CDH18: variants seen among roughly 807,000 people sequenced by gnomAD.
CDH18 encodes cadherin 18, also known as cadherin-18.
Under a neutral mutation model 67.9 loss-of-function variants are expected in CDH18, and 31 were observed. That is an observed-to-expected ratio of 0.46 (90% confidence interval 0.34 to 0.62). The LOEUF (loss-of-function observed/expected upper bound fraction) is 0.62. Among genes scored for constraint, CDH18 ranks in the 20% least tolerant of loss-of-function variants. The pLI is 0.01. For synonymous variants in CDH18, 362 were observed against 347.2 expected (o/e 1.04, Z -0.48); for missense variants, 890 against 975.5 (o/e 0.91, Z 1.17).
chr5:20,097,605 T>C lies in CDH18; in HGVS notation c.-517-105591A>G, dbSNP rs565921667. On this transcript the variant is annotated intron_variant, in intron 2 of 14. Coordinates refer to the CDH18 transcript ENST00000507958. ...CATGTAACTCACTGAATCAAAAAAA[T>C]GGCTTGTATTATATTCGGTTATTTA... Among the ~76,000 whole-genome samples the C allele has an allele frequency of 6.6e-5, 10 of 152,254 alleles. 2 individuals are homozygous for C. The South Asian group carries it at 2.1e-3, about 31-fold the overall frequency.
chr5:19,591,149 T>C lies in CDH18; in HGVS notation c.907A>G (p.Met303Val), dbSNP rs780509680. ...NDADTGSNAD[M>V]TYSIINGDGM... ...TCACCATTTATGATGGAGTAGGTCA[T>C]GTCAGCATTTGAGCCAGTGTCAGCA... is the stretch of plus-strand genomic sequence containing the variant. The change falls in exon 7 of 13, where the codon ATG (methionine) becomes GTG (valine). Residue 303 changes from methionine (M) to valine (V), a missense_variant. Physicochemically the swap from Met to Val is conservative, Grantham distance 21. Coordinates refer to ENST00000382275, the MANE Select transcript of CDH18 (RefSeq NM_004934.5). 2 of 1,612,644 alleles carry C rather than the reference T, an allele frequency of 1.2e-6. No individual in the cohort carries two copies. Among genetic ancestry groups the C allele is most frequent in the East Asian group, 2.2e-5 (1 of 44,844 alleles).
intron 2 of CDH18, among the ~76,000 whole-genome samples, chr5:20,168,291 G>C (rs1736449720): frequency 6.6e-6 from 1 of 151,982 alleles, no homozygotes; most frequent in Non-Finnish European, 1.5e-5. Flanking sequence ...CCTTTGCTAG[G>C]CTTGTCAATA....
At chr5:19,719,341 G>A (rs1384180732) in intron 5 of CDH18, among the ~76,000 whole-genome samples, 1 of 151,960 alleles carries the variant, frequency 6.6e-6, no homozygotes, top group African/African-American at 2.4e-5. Flanking sequence ...GTGCATGCAT[G>A]TGTGTTAGTA....
chr5:20,562,403 T>G (rs7708174), intron 1 of CDH18, among the ~76,000 whole-genome samples: 1 of 151,378 alleles, frequency 6.6e-6, no homozygotes, highest in African/African-American at 2.4e-5. Flanking sequence ...GGCAACCTTA[T>G]GTACCTATGT....
chr5:19,757,590 A>G (rs1420661500), intron 3 of CDH18, among the ~76,000 whole-genome samples: 1 of 152,184 alleles, frequency 6.6e-6, no homozygotes, highest in Non-Finnish European at 1.5e-5. Flanking sequence ...TATCCACTTG[A>G]TTATTAAAAT....
intron 1 of CDH18, among the ~76,000 whole-genome samples, chr5:20,552,554 A>C (rs1454579963): frequency 7.9e-5 from 12 of 152,264 alleles, no homozygotes; most frequent in Middle Eastern, 3.4e-3. Context: ...AGTCTCATAC[A>C]TACTGAAAAA....
intron 2 of CDH18, among the ~76,000 whole-genome samples, chr5:20,086,035 G>A (rs1473953596): frequency 2.0e-5 from 3 of 152,188 alleles, no homozygotes; most frequent in Admixed American, 1.3e-4. Flanking sequence ...GCAAAACAGT[G>A]AGCCAAGATG....
intron 11 of CDH18, among the ~76,000 whole-genome samples, chr5:19,486,139 C>T (rs765278292): frequency 6.6e-6 from 1 of 151,890 alleles, no homozygotes; most frequent in Non-Finnish European, 1.5e-5. Flanking sequence ...CCTAGAAAGG[C>T]TTAGCACAGC....
chr5:20,232,672 T>C (rs999137456), intron 2 of CDH18, among the ~76,000 whole-genome samples: 1 of 152,146 alleles, frequency 6.6e-6, no homozygotes, highest in Non-Finnish European at 1.5e-5. Context: ...ACATGCCACA[T>C]TGATATATTT....
intron 9 of CDH18, among the ~76,000 whole-genome samples, chr5:19,526,485 G>A (rs1747768654): frequency 6.6e-6 from 1 of 152,068 alleles, no homozygotes; most frequent in African/African-American, 2.4e-5. Context: ...TGGAAAGACT[G>A]ATATGTGCGT....
At chr5:19,673,693 T>C (rs1258828517) in intron 5 of CDH18, among the ~76,000 whole-genome samples, 2 of 152,060 alleles carry the variant, frequency 1.3e-5, no homozygotes, top group African/African-American at 2.4e-5. Flanking sequence ...CAAAAGCATA[T>C]CATATTTTTG....
At chr5:20,549,946 T>C (rs1288447461) in intron 1 of CDH18, among the ~76,000 whole-genome samples, 3 of 152,214 alleles carry the variant, frequency 2.0e-5, no homozygotes, top group Non-Finnish European at 4.4e-5. Flanking sequence ...ATCAGTGACC[T>C]TTTTGAGTGG....
intron 2 of CDH18, among the ~76,000 whole-genome samples, chr5:19,970,094 G>A (rs1797880193): frequency 6.6e-6 from 1 of 151,846 alleles, no homozygotes; most frequent in Non-Finnish European, 1.5e-5. Flanking sequence ...GAGCTGAACA[G>A]GGGAGTGAGA....
At chr5:20,464,352 T>C (rs1229274010) in intron 1 of CDH18, among the ~76,000 whole-genome samples, 1 of 152,162 alleles carries the variant, frequency 6.6e-6, no homozygotes, top group Non-Finnish European at 1.5e-5. Context: ...TGATAGAATG[T>C]GTGTTAATGC....
At chr5:19,763,421 A>G (rs1385354492) in intron 3 of CDH18, among the ~76,000 whole-genome samples, 7 of 152,172 alleles carry the variant, frequency 4.6e-5, no homozygotes, top group Non-Finnish European at 1.0e-4. Context: ...GAAGTCAAGT[A>G]CAAATGTTTG....
At chr5:19,871,189 T>C (rs1017373985) in intron 2 of CDH18, among the ~76,000 whole-genome samples, 13 of 152,086 alleles carry the variant, frequency 8.5e-5, no homozygotes, top group African/African-American at 3.1e-4. Flanking sequence ...TAAGCTTTTT[T>C]AAAAAAATTC....
chr5:19,960,594 T>G (rs890075991), intron 2 of CDH18, among the ~76,000 whole-genome samples: 1 of 138,458 alleles, frequency 7.2e-6, no homozygotes, highest in African/African-American at 3.0e-5. Context: ...TGTGTGTATA[T>G]ATATATATAC....
intron 3 of CDH18, among the ~76,000 whole-genome samples, chr5:19,820,565 C>G (rs1278705213): frequency 1.3e-5 from 2 of 152,274 alleles, no homozygotes; most frequent in East Asian, 3.9e-4. Context: ...ACCAAAAGGT[C>G]CCCAGTGAAT....
chr5:19,787,342 CT>C (rs1775912099), intron 3 of CDH18, among the ~76,000 whole-genome samples: 1 of 151,826 alleles, frequency 6.6e-6, no homozygotes, highest in Admixed American at 6.6e-5. Context: ...GTCCCAGCTA[CT>C]AGGGAGGCTG....
Sources: gnomAD v4.1 joint callset for allele counts (sites outside exome capture counted in the v4.1 genomes callset) on GRCh38, gnomAD v4.1.1 for gene constraint, MANE v1.5 for transcripts, NCBI Gene and HGNC (gene_info 2026-07-23, HGNC 2026-07-21) for gene names.